The following GALNT13 variants were observed in gnomAD, a reference collection of about 807,000 sequenced individuals.
The protein encoded by GALNT13 is UDP-GalNAc:polypeptide N-acetylgalactosaminyltransferase 13.
A neutral mutation model predicts 64.2 loss-of-function variants in GALNT13; 28 were observed. That is an observed-to-expected ratio of 0.44 (90% confidence interval 0.32 to 0.60). The LOEUF (loss-of-function observed/expected upper bound fraction) is 0.60. Among genes scored for constraint, GALNT13 ranks in the 20% least tolerant of loss-of-function variants. The pLI, the probability that GALNT13 is intolerant of heterozygous loss-of-function variation, is 0.05. For synonymous variants in GALNT13, 214 were observed against 224.6 expected (o/e 0.95, Z 0.42); for missense variants, 577 against 669.8 (o/e 0.86, Z 1.53).
chr2:153,740,683 G>T, the GALNT13 span, among the ~76,000 whole-genome samples: 2,092 of 151,952 alleles, frequency 0.014, 21 homozygotes, highest in Non-Finnish European at 0.02. Context: ...ATGTTCCTTC[G>T]GAGTTTTCAG....
chr2:154,324,548 A>G (rs1023642836), intron 9 of GALNT13, among the ~76,000 whole-genome samples: 1 of 152,128 alleles, frequency 6.6e-6, no homozygotes, highest in Non-Finnish European at 1.5e-5. Context: ...GGGATAGGGT[A>G]GGTTGATTTG....
chr2:154,363,184 A>G (rs1402163279), intron 9 of GALNT13, among the ~76,000 whole-genome samples: 2 of 152,162 alleles, frequency 1.3e-5, no homozygotes, highest in Non-Finnish European at 2.9e-5. Flanking sequence ...TAAAAACCCA[A>G]TAGGCTTGGT....
intron 9 of GALNT13, among the ~76,000 whole-genome samples, chr2:154,325,460 C>T (rs1349608420): frequency 6.6e-6 from 1 of 152,118 alleles, no homozygotes; most frequent in Non-Finnish European, 1.5e-5. Flanking sequence ...CTTGGAATGG[C>T]ATAGATCTTG....
intron 3 of GALNT13, among the ~76,000 whole-genome samples, chr2:154,034,392 T>G (rs1698530508): frequency 1.3e-5 from 2 of 152,132 alleles, no homozygotes; most frequent in Non-Finnish European, 2.9e-5. Context: ...TTGAACAAAA[T>G]TAGAGTCAGT....
the GALNT13 span, among the ~76,000 whole-genome samples, chr2:153,684,484 A>T: frequency 6.6e-6 from 1 of 151,684 alleles, no homozygotes; most frequent in African/African-American, 2.4e-5. Context: ...CTTGAATATC[A>T]GGGAGGTCCA....
intron 9 of GALNT13, among the ~76,000 whole-genome samples, chr2:154,319,526 A>G (rs1694509581): frequency 6.6e-6 from 1 of 151,946 alleles, no homozygotes; most frequent in Admixed American, 6.6e-5. Flanking sequence ...TTAGCTGGGC[A>G]TGGTGGTATG....
chr2:153,534,795 C>T, the GALNT13 span, among the ~76,000 whole-genome samples: 1 of 151,926 alleles, frequency 6.6e-6, no homozygotes, highest in African/African-American at 2.4e-5. Context: ...AAGGACCGGC[C>T]ATTTACACTT....
At chr2:153,372,076 A>G in the GALNT13 span, among the ~76,000 whole-genome samples, 14 of 152,138 alleles carry the variant, frequency 9.2e-5, no homozygotes, top group Non-Finnish European at 1.6e-4. Flanking sequence ...CCAGTTGTCA[A>G]TATTCTCTGT....
chr2:153,931,238 C>G lies in GALNT13; in HGVS notation c.-104-13156C>G, dbSNP rs1006471266. Among the ~76,000 whole-genome samples, 8 of 150,028 alleles carry G rather than the reference C, an allele frequency of 5.3e-5. No individual in the cohort carries two copies. The South Asian group carries it at 1.5e-3, about 28-fold the overall frequency. Reference sequence around the variant, plus strand: ...TGAAATTGTTCATCTGATCTAGTAGCCTTTTAGCAGAGACTGTAGGGTTTT... The same window carrying G: ...TGAAATTGTTCATCTGATCTAGTAGGCTTTTAGCAGAGACTGTAGGGTTTT... On this transcript the variant is annotated intron_variant, in intron 2 of 12. Transcript: ENST00000392825.
chr2:153,855,067 A>T, the GALNT13 span, among the ~76,000 whole-genome samples: 1 of 152,322 alleles, frequency 6.6e-6, no homozygotes, highest in African/African-American at 2.4e-5. Flanking sequence ...GTATATGCTT[A>T]CTAGATTTGT....
At chr2:153,217,304 A>G in the GALNT13 span, among the ~76,000 whole-genome samples, 27 of 152,024 alleles carry the variant, frequency 1.8e-4, no homozygotes, top group African/African-American at 6.5e-4. Context: ...ATATGCATTT[A>G]TCATAAACTT....
the GALNT13 span, among the ~76,000 whole-genome samples, chr2:153,819,165 G>A: frequency 2.6e-5 from 4 of 152,224 alleles, no homozygotes; most frequent in African/African-American, 9.6e-5. Flanking sequence ...TGGGCCCAAA[G>A]GTGGAGCCCC....
At chr2:154,178,373 A>C (rs548671731) in intron 4 of GALNT13, among the ~76,000 whole-genome samples, 30 of 138,224 alleles carry the variant, frequency 2.2e-4, no homozygotes, top group African/African-American at 7.5e-4. Flanking sequence ...CAATGAGAAC[A>C]CATGGACACG....
the GALNT13 span, among the ~76,000 whole-genome samples, chr2:153,291,233 A>G: frequency 6.6e-6 from 1 of 152,226 alleles, no homozygotes; most frequent in Non-Finnish European, 1.5e-5. Flanking sequence ...ACAGAATGAT[A>G]TAGCATTTGC....
intron 4 of GALNT13, among the ~76,000 whole-genome samples, chr2:154,151,169 G>A (rs78273767): frequency 6.6e-6 from 1 of 152,098 alleles, no homozygotes. Context: ...CTTTATTTCT[G>A]CCTTCATTTC....
At chr2:153,278,011 C>A in the GALNT13 span, among the ~76,000 whole-genome samples, 1 of 138,540 alleles carries the variant, frequency 7.2e-6, no homozygotes, top group Non-Finnish European at 1.5e-5. Flanking sequence ...ACTGCAAGCT[C>A]TGCCTCCCAG....
chr2:153,217,979 G>A, the GALNT13 span, among the ~76,000 whole-genome samples: 1 of 152,100 alleles, frequency 6.6e-6, no homozygotes, highest in Non-Finnish European at 1.5e-5. Context: ...TAAGTCTTTA[G>A]TGTGGGGATT....
the GALNT13 span, among the ~76,000 whole-genome samples, chr2:153,103,047 C>G: frequency 4.6e-5 from 7 of 152,058 alleles, no homozygotes; most frequent in Admixed American, 2.0e-4. Context: ...TTTAAACTTG[C>G]ACCTCCCTCC....
At chr2:153,442,161 A>T in the GALNT13 span, among the ~76,000 whole-genome samples, 9 of 151,986 alleles carry the variant, frequency 5.9e-5, no homozygotes, top group Admixed American at 1.3e-4. Context: ...CATGATGGGG[A>T]TTTGAATTTT....
Sources: allele counts gnomAD v4.1 joint callset (sites outside exome capture counted in the v4.1 genomes callset), GRCh38; gene constraint gnomAD v4.1.1; transcripts MANE v1.5; gene names NCBI Gene and HGNC (gene_info 2026-07-23, HGNC 2026-07-21).